Variants in PCDHGB6 observed in about 807,000 individuals in gnomAD.
PCDHGB6 encodes protocadherin gamma subfamily B, 6, also known as protocadherin gamma-B6.
Under a neutral mutation model 59.1 loss-of-function variants are expected in PCDHGB6, and 51 were observed. The ratio of observed to expected loss-of-function variants is 0.86; its 90% CI spans 0.69 to 1.09. The LOEUF (loss-of-function observed/expected upper bound fraction) is 1.09, where lower values mean the gene tolerates loss of function less well. Among genes scored for constraint, PCDHGB6 ranks in the 50% least tolerant of loss-of-function variants. The pLI is 0.00. For missense variants in PCDHGB6, 1,148 were observed against 1,205.1 expected, an observed-to-expected ratio of 0.95 and a Z score of 0.70; for synonymous variants, 466 against 495.1, an observed-to-expected ratio of 0.94 and a Z score of 0.78.
rs1414722237 is a variant in PCDHGB6 at position 141,432,748 on chromosome 5, C to T, written c.2418+22128C>T. On this transcript the variant is annotated intron_variant, in intron 1 of 3. Coordinates refer to ENST00000520790, the MANE Select transcript of PCDHGB6 (RefSeq NM_018926.3). The surrounding 1 kb of genome is among the most constrained non-coding windows in gnomAD (Gnocchi z 6.0). ...CCGCCACTGTCACGCTCACCGTGGC[C>T]GTGGCCGACAGCATCCCCCAAGTCC... 1 of 1,614,120 alleles carries T rather than the reference C, an allele frequency of 6.2e-7. No homozygotes were observed. The highest frequency in any genetic ancestry group is 8.5e-7 in the Non-Finnish European group (1 of 1,179,980).
rs183952562 is a variant in PCDHGB6 at position 141,423,399 on chromosome 5, C to A, written c.2418+12779C>A. On this transcript the variant is annotated intron_variant, in intron 1 of 3. Transcript: ENST00000520790. ...GGCTGTGGCGCTGGCATAAGTCACG[C>A]CTGCTGCAGGCTTCTGAAGGCGGGT... 3.5e-5 allele frequency: 56 copies of A among 1,614,150 alleles called. No homozygotes were observed. The East Asian group carries it at 1.1e-3, about 33-fold the overall frequency.
At chr5:141,494,752 T>G (rs889400984) in intron 1 of PCDHGB6, 55 bp from the exon 2 acceptor site, 6 of 1,612,324 alleles carry the variant, frequency 3.7e-6, no homozygotes, top group East Asian at 2.2e-5. Flanking sequence ...GGGGCTCGGG[T>G]GACATTCTAA....
chr5:141,410,178 C>G lies in PCDHGB6; in HGVS notation c.1976C>G (p.Thr659Arg). 2 of 1,613,890 alleles carry G rather than the reference C, an allele frequency of 1.2e-6. No homozygotes were observed. Among genetic ancestry groups the G allele is most frequent in the South Asian group, 1.1e-5 (1 of 91,088 alleles). Reference protein sequence around the residue: ...GGQPPLSATATLHLVFADNLQ... With the variant: ...GGQPPLSATARLHLVFADNLQ... ...CAGCCGCCACTCTCTGCCACCGCCA[C>G]GCTTCATCTGGTCTTCGCAGACAAC... The change falls in exon 1 of 4, where the codon ACG becomes AGG. Residue 659 changes from threonine (T) to arginine (R), a missense_variant. Physicochemically the swap from Thr to Arg is moderately conservative, Grantham distance 71. Around this residue, in one of 5 missense-constraint regions of PCDHGB6, gnomAD observed 549 missense variants for 527.5 expected, o/e 1.04. Coordinates refer to ENST00000520790, the MANE Select transcript of PCDHGB6 (RefSeq NM_018926.3).
intron 1 of PCDHGB6, among the ~76,000 whole-genome samples, chr5:141,450,816 T>C (rs960010807): frequency 7.9e-6 from 1 of 126,568 alleles, no homozygotes; most frequent in Non-Finnish European, 1.6e-5. Context: ...ATTTATTTAA[T>C]ATTATTATTA....
At chr5:141,430,877 G>T in intron 1 of PCDHGB6, 1 of 1,600,796 alleles carries the variant, frequency 6.2e-7, no homozygotes. Flanking sequence ...GGAAGAGCTG[G>T]AGAAAGGCTC....
chr5:141,486,654 T>C lies in PCDHGB6; in HGVS notation c.2419-8153T>C. ...TTGAATGCGCTTATCTCCTACTCAC[T>C]CCTGGAGCCCAGGAATCGAGATGTA... is the stretch of plus-strand genomic sequence containing the variant. On this transcript the variant is annotated intron_variant, in intron 1 of 3. Coordinates refer to ENST00000520790, the MANE Select transcript of PCDHGB6 (RefSeq NM_018926.3). The surrounding 1 kb of genome is among the most constrained non-coding windows in gnomAD (Gnocchi z 5.0). The C allele has an allele frequency of 2.5e-6, 4 of 1,613,922 alleles. No individual in the cohort carries two copies. Among genetic ancestry groups the C allele is most frequent in the Non-Finnish European group, 3.4e-6 (4 of 1,180,026 alleles).
rs1258292051 is a variant in PCDHGB6, at chr5:141,410,078, G to A, written c.1876G>A (p.Val626Met). ...CAGCCTGGGGCTGCGCACTGGGGAG[G>A]TGCGCACGGCTCGAGCCTTAGGCGA... ...LFSLGLRTGE[V>M]RTARALGDRD... The change falls in exon 1 of 4, where the codon GTG becomes ATG. Residue 626 changes from valine to methionine, a missense_variant. Around this residue, in one of 5 missense-constraint regions of PCDHGB6, gnomAD observed 549 missense variants for 527.5 expected, o/e 1.04. Coordinates refer to ENST00000520790, the MANE Select transcript of PCDHGB6 (RefSeq NM_018926.3). 1 of 1,612,820 alleles carries A rather than the reference G, an allele frequency of 6.2e-7. No individual in the cohort carries two copies. Among genetic ancestry groups the A allele is most frequent in the Non-Finnish European group, 8.5e-7 (1 of 1,179,692 alleles).
At chr5:141,484,451 T>G (rs2099596635) in intron 1 of PCDHGB6, among the ~76,000 whole-genome samples, 2 of 152,264 alleles carry the variant, frequency 1.3e-5, no homozygotes, top group South Asian at 4.1e-4. Flanking sequence ...TTTAATTGGC[T>G]ACGTTAATGT....
At chr5:141,438,633 TATAC>T (rs1373299550) in intron 1 of PCDHGB6, among the ~76,000 whole-genome samples, 3,683 of 33,472 alleles carry the variant, frequency 0.11, 56 homozygotes, top group Non-Finnish European at 0.14. Flanking sequence ...TATATATATA[TATAC>T]ACACACACAC....
At chr5:141,415,828 G>A (rs1178303711) in intron 1 of PCDHGB6, 4 of 1,293,274 alleles carry the variant, frequency 3.1e-6, no homozygotes, top group Non-Finnish European at 3.0e-6. Flanking sequence ...ATAAGGCTTT[G>A]TTATGATTAG....
At position 141,487,550 on chromosome 5, in the gene PCDHGB6, G is replaced by A. The variant is rs762537798; in HGVS notation, c.2419-7257G>A. 1 of 1,614,160 alleles carries A rather than the reference G, an allele frequency of 6.2e-7. No individual in the cohort carries two copies. The highest frequency in any genetic ancestry group is 1.1e-5 in the South Asian group (1 of 91,082). ...CTTCATGATGGTGAAGTCACCCAGT[G>A]CACCTATGGCAGGGGAGCCTGTTCG... On this transcript the variant is annotated intron_variant, in intron 1 of 3. Transcript: ENST00000520790. The surrounding 1 kb of genome is among the most constrained non-coding windows in gnomAD (Gnocchi z 5.0).
At chr5:141,494,783 C>G (rs2099756910) in intron 1 of PCDHGB6, 24 bp from the exon 2 acceptor site, 2 of 1,613,964 alleles carry the variant, frequency 1.2e-6, no homozygotes, top group Admixed American at 3.3e-5. Context: ...GTACTCAGCC[C>G]CTTTCCCTCT....
At chr5:141,430,384 A>G (rs547268242) in intron 1 of PCDHGB6, among the ~76,000 whole-genome samples, 32 of 122,116 alleles carry the variant, frequency 2.6e-4, no homozygotes, top group East Asian at 6.6e-4. Context: ...GCTCATTGGG[A>G]AAAAAAAAAA....
At chr5:141,433,605 G>C (rs1411907056) in intron 1 of PCDHGB6, among the ~76,000 whole-genome samples, 1 of 152,114 alleles carries the variant, frequency 6.6e-6, no homozygotes. Context: ...GGAGGCCGAG[G>C]CGGGTGGATC....
At position 141,505,425 on chromosome 5, in the gene PCDHGB6, C is replaced by G; in HGVS notation, c.2510C>G (p.Pro837Arg). 1 of 1,614,178 alleles carries G rather than the reference C, an allele frequency of 6.2e-7. No individual in the cohort carries two copies. Among genetic ancestry groups the G allele is most frequent in the Non-Finnish European group, 8.5e-7 (1 of 1,180,014 alleles). ...SQNGDDTGTW[P>R]NNQFDTEMLQ... ...AATGGCGATGACACCGGCACCTGGC[C>G]CAACAACCAGTTTGACACAGAGATG... The change falls in exon 3 of 4, where the codon CCC becomes CGC. Residue 837 changes from proline to arginine, a missense_variant. Transcript: ENST00000520790.
rs754728562 is a variant in PCDHGB6, at chr5:141,489,487, G to A, written c.2419-5320G>A. 6.2e-7 allele frequency: 1 copy of A among 1,613,942 alleles called. No individual in the cohort carries two copies. On this transcript the variant is annotated intron_variant, in intron 1 of 3. Coordinates refer to ENST00000520790, the MANE Select transcript of PCDHGB6 (RefSeq NM_018926.3). This position sits in a 1 kb window ranked among gnomAD's most constrained non-coding sequence, Gnocchi z 4.5. The stretch of plus-strand genomic sequence containing the variant: ...TTTTTCCCTGAGCTTGATGAGTGGT[G>A]CCCTGGCAGTGAATCAAAAGATTGA...
chr5:141,502,373 C>A (rs2099813965), intron 2 of PCDHGB6, among the ~76,000 whole-genome samples: 1 of 151,806 alleles, frequency 6.6e-6, no homozygotes, highest in African/African-American at 2.4e-5. Context: ...TTAAAGAGTC[C>A]AGGCCAGTTG....
intron 2 of PCDHGB6, among the ~76,000 whole-genome samples, chr5:141,501,200 G>A (rs888856586): frequency 1.3e-5 from 2 of 151,854 alleles, no homozygotes; most frequent in African/African-American, 4.8e-5. Context: ...AATTCAGGGT[G>A]TTGTCAGGGT....
intron 1 of PCDHGB6, chr5:141,428,078 C>A (rs747287202): frequency 1.2e-6 from 2 of 1,609,216 alleles, no homozygotes; most frequent in Admixed American, 3.3e-5. Flanking sequence ...ATTCGGGACA[C>A]AACGCTTGGC....
Sources: allele counts gnomAD v4.1 joint callset (sites outside exome capture counted in the v4.1 genomes callset), GRCh38; gene constraint gnomAD v4.1.1; regional missense constraint gnomAD v4.1.1; non-coding constraint Gnocchi (gnomAD v3.1); transcripts MANE v1.5; gene names NCBI Gene and HGNC (gene_info 2026-07-23, HGNC 2026-07-21).